The following DNAH11 variants were observed in gnomAD, a reference collection of about 807,000 sequenced individuals.
DNAH11 encodes the protein dynein axonemal heavy chain 11, also known as axonemal beta dynein heavy chain 11.
Under a neutral mutation model 526.0 loss-of-function variants are expected in DNAH11, and 442 were observed. The observed-to-expected ratio is 0.84, with a 90% CI of 0.78 to 0.91. The LOEUF (loss-of-function observed/expected upper bound fraction) is 0.91. Among genes scored for constraint, DNAH11 ranks in the 40% least tolerant of loss-of-function variants. DNAH11 has a pLI of 0.00. For missense variants in DNAH11, 6,989 were observed against 5,448.7 expected, an observed-to-expected ratio of 1.28 and a Z score of -8.90; for synonymous variants, 2,461 against 1,935.9, an observed-to-expected ratio of 1.27 and a Z score of -7.12.
chr7:21,834,723 G>A (rs1330379528), intron 65 of DNAH11, among the ~76,000 whole-genome samples: 1 of 152,100 alleles, frequency 6.6e-6, no homozygotes, highest in African/African-American at 2.4e-5. Flanking sequence ...ATGCATGCCT[G>A]TAGCTCTAAC....
intron 45 of DNAH11, among the ~76,000 whole-genome samples, chr7:21,727,992 C>G (rs1020848934): frequency 3.3e-5 from 5 of 152,106 alleles, no homozygotes; most frequent in African/African-American, 4.8e-5. Context: ...TCTAAATTTC[C>G]TCTTCTCCTA....
Position 21,589,532 on chromosome 7 carries a change from A to G in DNAH11, c.2169+129A>G, listed in dbSNP as rs974221067. 9 of 683,550 alleles carry G rather than the reference A, an allele frequency of 1.3e-5. No individual in the cohort carries two copies. The Admixed American group carries it at 1.4e-4, about 11-fold the overall frequency. 42.3% of individuals were successfully genotyped at this position (683,550 alleles called of 1,614,324 possible). ...AGTTGTGAGGACTGTAACTGTAAAC[A>G]ATTTCTTACAGGTCTTCATTGTAGA... On this transcript the variant is annotated intron_variant, in intron 12 of 81. Coordinates refer to ENST00000409508, the MANE Select transcript of DNAH11 (RefSeq NM_001277115.2).
intron 63 of DNAH11, among the ~76,000 whole-genome samples, chr7:21,811,720 T>C (rs1789531472): frequency 1.3e-5 from 2 of 152,156 alleles, no homozygotes; most frequent in South Asian, 4.1e-4. Flanking sequence ...AATGACAAAT[T>C]TTATGTTAAG....
At chr7:21,571,228 A>G (rs1043571978) in intron 7 of DNAH11, among the ~76,000 whole-genome samples, 5 of 152,128 alleles carry the variant, frequency 3.3e-5, no homozygotes, top group African/African-American at 1.2e-4. Flanking sequence ...AAATTGGGGG[A>G]GTTATGTGTC....
At chr7:21,760,186 T>G (rs1238599832) in intron 54 of DNAH11, among the ~76,000 whole-genome samples, 1 of 152,176 alleles carries the variant, frequency 6.6e-6, no homozygotes, top group African/African-American at 2.4e-5. Flanking sequence ...AGATGACATC[T>G]GTTGAGTGAG....
At chr7:21,667,948 A>C (rs977808623) in intron 30 of DNAH11, among the ~76,000 whole-genome samples, 4 of 152,142 alleles carry the variant, frequency 2.6e-5, no homozygotes, top group Non-Finnish European at 5.9e-5. Context: ...ACTCCTTCCT[A>C]AATAGGACCC....
Position 21,690,856 on chromosome 7 carries a change from C to G in DNAH11, c.6016C>G (p.Pro2006Ala). 1 of 1,612,526 alleles carries G rather than the reference C, an allele frequency of 6.2e-7. No homozygotes were observed. Residue 2006 changes from proline to alanine, a missense_variant, in exon 35 of 82, where the codon CCG becomes GCG. By Grantham distance (27) the Pro-to-Ala change is conservative (BLOSUM62 -1). Coordinates refer to ENST00000409508, the MANE Select transcript of DNAH11 (RefSeq NM_001277115.2). The part of the protein sequence containing the change: ...NPGYAGRTEL[P>A]ENLKALFRPC... ...GGGTTATGCTGGTCGAACCGAATTA[C>G]CGGAAAATCTCAAAGCTCTTTTCAG... is the stretch of plus-strand genomic sequence containing the variant.
intron 54 of DNAH11, among the ~76,000 whole-genome samples, chr7:21,760,720 G>T (rs1175067323): frequency 2.6e-5 from 4 of 152,162 alleles, no homozygotes; most frequent in Non-Finnish European, 4.4e-5. Context: ...GTTGATGAGA[G>T]AAGTAGTTGG....
Position 21,589,402 on chromosome 7 carries a change from A to C in DNAH11, c.2168A>C (p.Lys723Thr). The change falls in exon 12 of 82, where the codon AAG becomes ACG. Residue 723 changes from lysine (K) to threonine (T), a missense_variant and splice_region_variant. Transcript: ENST00000409508. ...CTTCTCTGTGTCAATTTTGACCCAA[A>C]GGTAGGGATTTGATTTTTTAAGATG... Reference protein sequence around the residue: ...NGLLCVNFDPKLVAVLREVKY... With the variant: ...NGLLCVNFDPTLVAVLREVKY... 1 of 1,595,052 alleles carries C rather than the reference A, an allele frequency of 6.3e-7. No individual in the cohort carries two copies. Among genetic ancestry groups the C allele is most frequent in the Non-Finnish European group, 8.5e-7 (1 of 1,173,124 alleles).
At chr7:21,633,388 C>T (rs1786710530) in intron 25 of DNAH11, among the ~76,000 whole-genome samples, 2 of 152,174 alleles carry the variant, frequency 1.3e-5, no homozygotes, top group Non-Finnish European at 2.9e-5. Context: ...ATGATCTATC[C>T]ATTGTTGAAA....
rs1333114138 is a variant in DNAH11 at position 21,687,364 on chromosome 7, C to T, written c.5779-18C>T. On this transcript the variant is annotated intron_variant, in intron 33 of 81. Coordinates refer to ENST00000409508, the MANE Select transcript of DNAH11 (RefSeq NM_001277115.2). ...AACCCCTTCTGTTAAATTCTGAGTGCCTCACTTTATCATTTAGTCCATAGG... is the reference window on the plus strand; with the variant it reads ...AACCCCTTCTGTTAAATTCTGAGTGTCTCACTTTATCATTTAGTCCATAGG... The T allele has an allele frequency of 6.3e-7, 1 of 1,593,802 alleles. No homozygotes were observed. The highest frequency in any genetic ancestry group is 2.2e-5 in the East Asian group (1 of 44,534).
intron 42 of DNAH11, among the ~76,000 whole-genome samples, chr7:21,714,458 T>A (rs2128481920): frequency 6.6e-6 from 1 of 152,288 alleles, no homozygotes; most frequent in African/African-American, 2.4e-5. Context: ...GAATAAAGGG[T>A]ATTTTTTCCT....
In DNAH11 at chr7:21,635,909, A is replaced by G. The variant is rs572309789; in HGVS notation, c.4539A>G (p.Glu1513=). Residue 1513 remains glutamate (E), a synonymous_variant, in exon 26 of 82, where the codon GAA becomes GAG. Transcript: ENST00000409508. The part of the protein sequence containing the change: ...LQTLLQSKYV[E]YFIEQVLSWQ... ...CTCTTCTTCAAAGCAAGTATGTAGA[A>G]TATTTCATTGAGCAAGTGTTAAGCT... The G allele has an allele frequency of 4.0e-5, 64 of 1,613,094 alleles. No homozygotes were observed. The South Asian group carries it at 5.1e-4, about 13-fold the overall frequency.
chr7:21,635,726 CA>C, intron 25 of DNAH11, 144 bp from the exon 26 acceptor site: 1 of 570,270 alleles, frequency 1.8e-6, no homozygotes. Context: ...ACTCATTTAG[CA>C]AAAACTTATT....
chr7:21,878,822 C>G (rs1783807693), intron 74 of DNAH11, among the ~76,000 whole-genome samples: 1 of 152,136 alleles, frequency 6.6e-6, no homozygotes, highest in African/African-American at 2.4e-5. Flanking sequence ...TAGGTCTGAA[C>G]TACTCACACT....
intron 9 of DNAH11, among the ~76,000 whole-genome samples, chr7:21,584,905 T>C (rs573103582): frequency 6.6e-6 from 1 of 151,856 alleles, no homozygotes; most frequent in Admixed American, 6.5e-5. Context: ...TATCATATTC[T>C]TTGCTACTGG....
In DNAH11 at chr7:21,794,336, A is replaced by G. The variant is rs1040313569; in HGVS notation, c.10026+4994A>G. Among the ~76,000 whole-genome samples the G allele has an allele frequency of 4.6e-5, 7 of 152,274 alleles. No homozygotes were observed. In the East Asian group the frequency reaches 1.2e-3, roughly 25 times the overall value. On this transcript the variant is annotated intron_variant, in intron 61 of 81. Transcript: ENST00000409508. ...ATATACTTCTATGGCTTTACATTGAAGGATTAGTTATTTATGCTAGTCTTT... is the reference window on the plus strand; with the variant it reads ...ATATACTTCTATGGCTTTACATTGAGGGATTAGTTATTTATGCTAGTCTTT...
chr7:21,611,663 A>G (rs975516212), intron 20 of DNAH11, among the ~76,000 whole-genome samples: 1 of 152,212 alleles, frequency 6.6e-6, no homozygotes, highest in South Asian at 2.1e-4. Flanking sequence ...CAAAGCAACC[A>G]GATAGAAAAG....
Position 21,809,070 on chromosome 7 carries a change from A to G in DNAH11, c.10332+1021A>G, listed in dbSNP as rs145035881. ...TATTTCTGTCTTTTTGATAATAGCC[A>G]TTCTAACTGAGGTGAAATTATATCT... On this transcript the variant is annotated intron_variant, in intron 63 of 81. Transcript: ENST00000409508. 4.7e-3 allele frequency among the ~76,000 whole-genome samples: 722 copies of G among 152,250 alleles called. 6 individuals are homozygous for G. The highest frequency in any genetic ancestry group is 0.017 in the African/African-American group (700 of 41,556).
Sources: gnomAD v4.1 joint callset for allele counts (sites outside exome capture counted in the v4.1 genomes callset) on GRCh38, gnomAD v4.1.1 for gene constraint, MANE v1.5 for transcripts, NCBI Gene and HGNC (gene_info 2026-07-23, HGNC 2026-07-21) for gene names.